STAMBP: variants seen among roughly 807,000 people sequenced by gnomAD.
The protein encoded by STAMBP is STAM-binding protein.
Under a neutral mutation model 50.7 loss-of-function variants are expected in STAMBP, and 31 were observed. The ratio of observed to expected loss-of-function variants is 0.61; its 90% CI spans 0.46 to 0.83. STAMBP has a LOEUF of 0.83. Among genes scored for constraint, STAMBP ranks in the 40% least tolerant of loss-of-function variants. STAMBP has a pLI of 0.00. For synonymous variants in STAMBP, 211 were observed against 192.4 expected, an observed-to-expected ratio of 1.10 and a Z score of -0.80; for missense variants, 472 against 518.9, an observed-to-expected ratio of 0.91 and a Z score of 0.88.
chr2:73,852,227 G>T (rs1287754120), intron 7 of STAMBP, among the ~76,000 whole-genome samples: 1 of 152,080 alleles, frequency 6.6e-6, no homozygotes, highest in African/African-American at 2.4e-5. Context: ...GATTTCAGAG[G>T]ATTTGGGAAA....
intron 10 of STAMBP, among the ~76,000 whole-genome samples, chr2:73,872,407 C>T (rs1021706713): frequency 6.6e-6 from 1 of 152,234 alleles, no homozygotes; most frequent in African/African-American, 2.4e-5. Flanking sequence ...GACCTTCTCA[C>T]TCCCAAAAAG....
chr2:73,872,519 AC>A (rs2104775840), intron 10 of STAMBP, among the ~76,000 whole-genome samples: 1 of 150,836 alleles, frequency 6.6e-6, no homozygotes, highest in East Asian at 2.0e-4. Context: ...AGTAGATGTT[AC>A]GCTCTCTGTC....
At chr2:73,858,892 C>G (rs575079835) in intron 7 of STAMBP, among the ~76,000 whole-genome samples, 35 of 151,558 alleles carry the variant, frequency 2.3e-4, no homozygotes, top group Middle Eastern at 3.4e-3. Flanking sequence ...GTAGTCCCCC[C>G]CTTATCCTCA....
At chr2:73,846,395 G>T (rs1676057618) in intron 4 of STAMBP, among the ~76,000 whole-genome samples, 1 of 151,502 alleles carries the variant, frequency 6.6e-6, no homozygotes, top group Admixed American at 6.6e-5. Context: ...GAGCCCAGGA[G>T]TTCGAGACCA....
rs1268881046 is a variant in STAMBP, at chr2:73,849,389, G to C, written c.769G>C (p.Val257Leu). The stretch of plus-strand genomic sequence containing the variant: ...TCCCACAATCGATGGATTGCGCCAT[G>C]TGGTGGTGCCTGGGCGGCTGTGCCC... ...SIPTIDGLRH[V>L]VVPGRLCPQF... Residue 257 changes from valine (V) to leucine (L), a missense_variant, in exon 6 of 10, where the codon GTG (valine) becomes CTG (leucine). Physicochemically the swap from Val to Leu is conservative, Grantham distance 32. Transcript: ENST00000394070. 6.2e-7 allele frequency: 1 copy of C among 1,614,012 alleles called. No individual in the cohort carries two copies. The highest frequency in any genetic ancestry group is 8.5e-7 in the Non-Finnish European group (1 of 1,180,040).
rs1673824624 is a variant in STAMBP, at chr2:73,830,892, A to G, written c.36A>G (p.Glu12=). ...ATGGAGATGTGAGCCTCCCGCCCGAAGACCGGGTGAGGGCTCTCTCCCAGC... is the reference window on the plus strand; with the variant it reads ...ATGGAGATGTGAGCCTCCCGCCCGAGGACCGGGTGAGGGCTCTCTCCCAGC... The part of the protein sequence containing the change: ...SDHGDVSLPP[E]DRVRALSQLG... The change falls in exon 2 of 10, where the codon GAA becomes GAG. Residue 12 remains glutamate (E), a synonymous_variant. Coordinates refer to ENST00000394070, the MANE Select transcript of STAMBP (RefSeq NM_213622.4). The G allele has an allele frequency of 6.2e-7, 1 of 1,613,662 alleles. No homozygotes were observed. The highest frequency in any genetic ancestry group is 8.5e-7 in the Non-Finnish European group (1 of 1,180,034).
intron 4 of STAMBP, among the ~76,000 whole-genome samples, chr2:73,846,128 C>T (rs1283377291): frequency 6.6e-6 from 1 of 152,202 alleles, no homozygotes; most frequent in East Asian, 1.9e-4. Flanking sequence ...GAGGTATATA[C>T]TTCTAAAGCA....
intron 7 of STAMBP, 47 bp from the exon 8 acceptor site, chr2:73,859,207 A>G (rs373860082): frequency 1.0e-5 from 15 of 1,481,596 alleles, no homozygotes; most frequent in Middle Eastern, 3.4e-4. Flanking sequence ...AGGAGGGATT[A>G]CCATATATCC....
At position 73,850,255 on chromosome 2, in the gene STAMBP, T is replaced by TC; in HGVS notation, c.868-119dup. ...GTTGTGAACCACTGAGTGGCAGGAC[T>TC]CCTGCTGTGTGGGAAGGGCTTTCAC... On this transcript the variant is annotated intron_variant, in intron 6 of 9. Transcript: ENST00000394070. This position sits in a 1 kb window ranked among gnomAD's most constrained non-coding sequence, Gnocchi z 4.3. 1 of 1,313,886 alleles carries TC rather than the reference T, an allele frequency of 7.6e-7. No individual in the cohort carries two copies. Among genetic ancestry groups the TC allele is most frequent in the Non-Finnish European group, 1.0e-6 (1 of 964,566 alleles). The allele number at this position is 1,313,886 out of a possible 1,614,324, so 81.4% of individuals were successfully genotyped here.
rs759078967 is a variant in STAMBP, at chr2:73,847,324, G to T, written c.376-63G>T. The T allele has an allele frequency of 6.2e-5, 94 of 1,524,220 alleles. No homozygotes were observed. Among genetic ancestry groups the T allele is most frequent in the Non-Finnish European group, 8.3e-5 (94 of 1,138,786 alleles). 94.4% of individuals were successfully genotyped at this position (1,524,220 alleles called of 1,614,324 possible). On this transcript the variant is annotated intron_variant, in intron 4 of 9. Transcript: ENST00000394070. ...GGAAATCTCCATGCTAAAAAGCCTTGTTCTCCTGAAGTGTGAAGTCACTGA... is the reference window on the plus strand; with the variant it reads ...GGAAATCTCCATGCTAAAAAGCCTTTTTCTCCTGAAGTGTGAAGTCACTGA...
chr2:73,852,358 T>A (rs1034399914), intron 7 of STAMBP, among the ~76,000 whole-genome samples: 3 of 152,142 alleles, frequency 2.0e-5, no homozygotes, highest in African/African-American at 7.2e-5. Flanking sequence ...AAAGTGGGGT[T>A]CAGTTCTGAG....
chr2:73,862,361 G>T lies in STAMBP; in HGVS notation c.*102G>T. 1 of 921,724 alleles carries T rather than the reference G, an allele frequency of 1.1e-6. No individual in the cohort carries two copies. Among genetic ancestry groups the T allele is most frequent in the Non-Finnish European group, 1.6e-6 (1 of 639,374 alleles). 57.1% of individuals were successfully genotyped at this position (921,724 alleles called of 1,614,324 possible). A position where few individuals can be genotyped will look rare whatever the true frequency, so the allele number is the denominator to read the frequency against. On this transcript the variant is annotated 3_prime_UTR_variant, in exon 10 of 10. Coordinates refer to ENST00000394070, the MANE Select transcript of STAMBP (RefSeq NM_213622.4). ...AAAGCTTTGGAAGTTTTTGTAGATA[G>T]TAGAAAGGGGGGCATCACCTGAGAA...
Position 73,841,696 on chromosome 2 carries a change from A to G in STAMBP, c.204-3117A>G, listed in dbSNP as rs146997093. On this transcript the variant is annotated intron_variant, in intron 2 of 9. Coordinates refer to ENST00000394070, the MANE Select transcript of STAMBP (RefSeq NM_213622.4). ...AAAAGGTTGGACACCCCTGCAAAAA[A>G]CTGAGGGATGGTGAGATTAAGTGAC... Among the ~76,000 whole-genome samples the G allele has an allele frequency of 3.7e-3, 562 of 152,296 alleles. 4 individuals carry two copies. Among genetic ancestry groups the G allele is most frequent in the African/African-American group, 0.013 (523 of 41,548 alleles).
At chr2:73,868,544 A>C (rs1305473676), downstream of STAMBP, among the ~76,000 whole-genome samples, 6 of 152,218 alleles carry the variant, frequency 3.9e-5, no homozygotes, top group African/African-American at 1.2e-4. Flanking sequence ...AAATTTTTTT[A>C]AGATGAAAAT....
intron 2 of STAMBP, among the ~76,000 whole-genome samples, chr2:73,833,610 T>A (rs977463169): frequency 6.6e-6 from 1 of 152,136 alleles, no homozygotes; most frequent in Non-Finnish European, 1.5e-5. Flanking sequence ...AAACACTAAT[T>A]CAGAAAGTTC....
At chr2:73,870,260 A>G (rs548874271), downstream of STAMBP, 3 of 152,356 alleles carry the variant, frequency 2.0e-5, no homozygotes, top group South Asian at 6.2e-4. Context: ...CATGTCATAT[A>G]TGGAAACCTT....
At chr2:73,846,409 T>TG (rs112668259) in intron 4 of STAMBP, among the ~76,000 whole-genome samples, 5,289 of 152,036 alleles carry the variant, frequency 0.035, 304 homozygotes, top group African/African-American at 0.12. Flanking sequence ...GAGACCAGCC[T>TG]GGGCAACATG....
intron 9 of STAMBP, among the ~76,000 whole-genome samples, chr2:73,861,237 CTG>C (rs1332635944): frequency 2.0e-5 from 3 of 152,204 alleles, no homozygotes; most frequent in Non-Finnish European, 2.9e-5. Flanking sequence ...GCTAAAAAAA[CTG>C]TGATGAATTC....
At chr2:73,858,709 A>G (rs1397289566) in intron 7 of STAMBP, among the ~76,000 whole-genome samples, 1 of 152,224 alleles carries the variant, frequency 6.6e-6, no homozygotes, top group Non-Finnish European at 1.5e-5. Flanking sequence ...ACATACTGGT[A>G]TTAAGCAATA....
Sources: gnomAD v4.1 joint callset for allele counts (sites outside exome capture counted in the v4.1 genomes callset) on GRCh38, gnomAD v4.1.1 for gene constraint, Gnocchi (gnomAD v3.1) non-coding constraint, MANE v1.5 for transcripts, NCBI Gene and HGNC (gene_info 2026-07-23, HGNC 2026-07-21) for gene names.